NEK9: variants seen among roughly 807,000 people sequenced by gnomAD.
NEK9 encodes serine/threonine-protein kinase Nek9.
Under a neutral mutation model 123.4 loss-of-function variants are expected in NEK9, and 75 were observed. The ratio of observed to expected loss-of-function variants is 0.61; its 90% CI spans 0.50 to 0.74. NEK9 has a LOEUF of 0.74. Among genes scored for constraint, NEK9 ranks in the 30% least tolerant of loss-of-function variants. The pLI, the probability that NEK9 is intolerant of heterozygous loss-of-function variation, is 0.00. For missense variants in NEK9, 952 were observed against 1,214.4 expected (o/e 0.78, Z 3.21); for synonymous variants, 438 against 458.7 (o/e 0.95, Z 0.58).
At chr14:75,087,396 C>G (rs999507967) in intron 20 of NEK9, among the ~76,000 whole-genome samples, 166 bp from the exon 21 acceptor site, 1 of 152,282 alleles carries the variant, frequency 6.6e-6, no homozygotes, top group East Asian at 1.9e-4. Context: ...ATTATAACAG[C>G]GATGGGCACT....
In NEK9 at chr14:75,114,368, T is replaced by C. The variant is rs1281661754; in HGVS notation, c.763-55A>G. 2.9e-6 allele frequency: 4 copies of C among 1,365,402 alleles called. No homozygotes were observed. The East Asian group carries it at 9.2e-5, about 31-fold the overall frequency. 84.6% of individuals were successfully genotyped at this position (1,365,402 alleles called of 1,614,324 possible). On this transcript the variant is annotated intron_variant, in intron 6 of 21. Coordinates refer to ENST00000238616, the MANE Select transcript of NEK9 (RefSeq NM_033116.6). ...TGGTTATATAAAGATGATGCTATACTCTACTGGTAGGGGCTCTCAGGTGTC... is the reference window on the plus strand; with the variant it reads ...TGGTTATATAAAGATGATGCTATACCCTACTGGTAGGGGCTCTCAGGTGTC...
Position 75,114,269 on chromosome 14 carries a change from G to A in NEK9, c.807C>T (p.Ala269=), listed in dbSNP as rs780149222. The change falls in exon 7 of 22, where the codon GCC becomes GCT. Residue 269 remains alanine, a synonymous_variant. Transcript: ENST00000238616. ...LCVKIVQGIR[A]MEVDSSQYSL... is the part of the protein sequence containing the mutation. ...AGTACTGGCTAGAGTCAACTTCCAT[G>A]GCCCGAATTCCTTGCACGATCTTCA... The A allele has an allele frequency of 6.2e-7, 1 of 1,614,040 alleles. No homozygotes were observed. Among genetic ancestry groups the A allele is most frequent in the Non-Finnish European group, 8.5e-7 (1 of 1,179,978 alleles).
rs752639903 is a variant in NEK9, at chr14:75,110,369, T to C, written c.941A>G (p.Glu314Gly). ...DRPLLRKRRR[E>G]MEEKVTLLNA... is the part of the protein sequence containing the mutation. ...AAGCAGAGTGACTTTTTCCTCCATC[T>C]CTCTACCAAAAGAAAAGCAAAGATA... The change falls in exon 9 of 22, where the codon GAG (glutamate) becomes GGG (glycine). Residue 314 changes from glutamate to glycine, a missense_variant and splice_region_variant. Physicochemically the swap from Glu to Gly is moderately conservative, Grantham distance 98. Transcript: ENST00000238616. 6.2e-7 allele frequency: 1 copy of C among 1,612,378 alleles called. No individual in the cohort carries two copies. The highest frequency in any genetic ancestry group is 1.7e-5 in the Admixed American group (1 of 59,986).
At chr14:75,127,130 C>T (rs994070358), upstream of NEK9, 1 of 515,346 alleles carries the variant, frequency 1.9e-6, no homozygotes, top group Non-Finnish European at 3.4e-6. Flanking sequence ...ACCCTCTTGG[C>T]TAGTCTAGCG....
At chr14:75,115,464 GA>G (rs1895110469) in intron 6 of NEK9, among the ~76,000 whole-genome samples, 1 of 152,150 alleles carries the variant, frequency 6.6e-6, no homozygotes, top group Admixed American at 6.5e-5. Context: ...AGGAGAATTA[GA>G]TGATATACTA....
rs1895319494 is a variant in NEK9 at position 75,121,138 on chromosome 14, T to A, written c.434A>T (p.Asp145Val). ...AATTACCTCTTCCTCAAACAACTTGTCCTTCTGACGAAGGATTTTGTCATA... is the reference window on the plus strand; with the variant it reads ...AATTACCTCTTCCTCAAACAACTTGACCTTCTGACGAAGGATTTTGTCATA... ...NLYDKILRQK[D>V]KLFEEEMVVW... is the part of the protein sequence containing the mutation. The change falls in exon 3 of 22, where the codon GAC becomes GTC. Residue 145 changes from aspartate (D) to valine (V), a missense_variant. Physicochemically the swap from Asp to Val is radical, Grantham distance 152. Transcript: ENST00000238616. 1 of 1,613,460 alleles carries A rather than the reference T, an allele frequency of 6.2e-7. No individual in the cohort carries two copies. Among genetic ancestry groups the A allele is most frequent in the Admixed American group, 1.7e-5 (1 of 60,038 alleles).
intron 9 of NEK9, among the ~76,000 whole-genome samples, chr14:75,110,103 C>T (rs961865893): frequency 6.6e-6 from 1 of 152,198 alleles, no homozygotes; most frequent in African/African-American, 2.4e-5. Flanking sequence ...CCCATAACAC[C>T]TACACTTTTC....
In NEK9 at chr14:75,097,150, T is replaced by A; in HGVS notation, c.2123A>T (p.His708Leu). The stretch of plus-strand genomic sequence containing the variant: ...ACGGCAAGACAGGTCCGGGACATGA[T>A]GCAGAGATCCAAAAATAGGCCGAGG... ...SWPRPIFGSLHHVPDLSCRGW... is the reference protein window; with the variant it reads ...SWPRPIFGSLLHVPDLSCRGW... Residue 708 changes from histidine (H) to leucine (L), a missense_variant, in exon 17 of 22, where the codon CAT becomes CTT. His to Leu is a moderately conservative substitution (Grantham distance 99). Coordinates refer to ENST00000238616, the MANE Select transcript of NEK9 (RefSeq NM_033116.6). The A allele has an allele frequency of 6.2e-7, 1 of 1,613,780 alleles. No homozygotes were observed. Among genetic ancestry groups the A allele is most frequent in the Non-Finnish European group, 8.5e-7 (1 of 1,179,804 alleles).
chr14:75,111,656 C>G (rs1488439620), intron 8 of NEK9, among the ~76,000 whole-genome samples: 1 of 151,998 alleles, frequency 6.6e-6, no homozygotes, highest in Admixed American at 6.6e-5. Context: ...TTTGGGAGGC[C>G]GATGCAGGCA....
At position 75,083,151 on chromosome 14, in the gene NEK9, C is replaced by T; in HGVS notation, c.*1413G>A. 2.5e-6 allele frequency: 1 copy of T among 398,470 alleles called. No homozygotes were observed. The highest frequency in any genetic ancestry group is 3.6e-5 in the East Asian group (1 of 28,072). 24.7% of individuals were successfully genotyped at this position (398,470 alleles called of 1,614,324 possible). Reference sequence around the variant, plus strand: ...ACATTTTGGTCTGGGGAAGATGAAACAAAATTAATTTAGCTGTTTATAGGA... The same window carrying T: ...ACATTTTGGTCTGGGGAAGATGAAATAAAATTAATTTAGCTGTTTATAGGA... On this transcript the variant is annotated 3_prime_UTR_variant, in exon 22 of 22. Coordinates refer to ENST00000238616, the MANE Select transcript of NEK9 (RefSeq NM_033116.6).
intron 18 of NEK9, among the ~76,000 whole-genome samples, chr14:75,093,734 C>T (rs762172102): frequency 4.6e-5 from 7 of 152,180 alleles, no homozygotes; most frequent in Non-Finnish European, 1.0e-4. Context: ...GTGTTACAGG[C>T]GTGAGCCACC....
chr14:75,112,004 C>T (rs998271895), intron 8 of NEK9, among the ~76,000 whole-genome samples: 14 of 152,140 alleles, frequency 9.2e-5, no homozygotes, highest in African/African-American at 3.4e-4. Flanking sequence ...ACTGCCTGCA[C>T]GTGCACAAAA....
chr14:75,089,691 A>G (rs1594822754), intron 19 of NEK9, among the ~76,000 whole-genome samples: 1 of 147,612 alleles, frequency 6.8e-6, no homozygotes, highest in South Asian at 2.1e-4. Flanking sequence ...GCGTGCCACC[A>G]TGCCCAGCTA....
Position 75,080,980 on chromosome 14 carries a change from G to T in NEK9, c.*3584C>A, listed in dbSNP as rs1421044709. On this transcript the variant is annotated 3_prime_UTR_variant, in exon 22 of 22. Transcript: ENST00000238616. ...TATTTTTGAGATGGAGTCTCACTCT[G>T]TCGCCCAGGCTGGAGTACCGTGGCG... 2 of 147,888 alleles carry T rather than the reference G, an allele frequency of 1.4e-5. No homozygotes were observed. Among genetic ancestry groups the T allele is most frequent in the Non-Finnish European group, 3.0e-5 (2 of 67,492 alleles). 9.2% of individuals were successfully genotyped at this position (147,888 alleles called of 1,614,324 possible).
chr14:75,127,078 C>T (rs1466783009), upstream of NEK9: 2 of 583,254 alleles, frequency 3.4e-6, no homozygotes, highest in East Asian at 3.5e-5. Context: ...GGAAACAGTT[C>T]TCTGTGTTTC....
At chr14:75,094,163 T>C (rs928068871) in intron 18 of NEK9, among the ~76,000 whole-genome samples, 1 of 152,238 alleles carries the variant, frequency 6.6e-6, no homozygotes, top group African/African-American at 2.4e-5. Flanking sequence ...CTTAACTATA[T>C]ATAATATGGT....
chr14:75,121,821 G>A (rs1046892810), intron 2 of NEK9, among the ~76,000 whole-genome samples: 2 of 152,160 alleles, frequency 1.3e-5, no homozygotes, highest in Admixed American at 6.5e-5. Context: ...AGTGAGCTGG[G>A]ATCGCACCAC....
At chr14:75,108,514 CGT>C (rs35358755) in intron 10 of NEK9, among the ~76,000 whole-genome samples, 64,245 of 147,436 alleles carry the variant, frequency 0.44, 14,571 homozygotes, top group East Asian at 0.76. Context: ...TGTGCGTGTG[CGT>C]GTGTGTGTGT....
chr14:75,120,368 C>T lies in NEK9; in HGVS notation c.524+142G>A. ...CTCAGGGAGTGAAAATAATATTGCT[C>T]ATTACTTTCCTTTCCTAGTGATATC... On this transcript the variant is annotated intron_variant, in intron 4 of 21. Transcript: ENST00000238616. 9.1e-6 allele frequency: 5 copies of T among 551,006 alleles called. No homozygotes were observed. In the Admixed American group the frequency reaches 1.4e-4, roughly 15 times the overall value. The allele number at this position is 551,006 out of a possible 1,614,324, so 34.1% of individuals were successfully genotyped here. A position where few individuals can be genotyped will look rare whatever the true frequency, so the allele number is the denominator to read the frequency against.
Sources: gnomAD v4.1 joint callset for allele counts (sites outside exome capture counted in the v4.1 genomes callset) on GRCh38, gnomAD v4.1.1 for gene constraint, MANE v1.5 for transcripts, NCBI Gene and HGNC (gene_info 2026-07-23, HGNC 2026-07-21) for gene names.